The following ZNF831 variants were observed in gnomAD, a reference collection of about 807,000 sequenced individuals.
The protein encoded by ZNF831 is zinc finger protein 831.
A neutral mutation model predicts 95.8 loss-of-function variants in ZNF831; 59 were observed. That is an observed-to-expected ratio of 0.62 (90% CI 0.50 to 0.77). The LOEUF is 0.77. Among genes scored for constraint, ZNF831 ranks in the 30% least tolerant of loss-of-function variants. The probability of loss-of-function intolerance (pLI) is 0.00; values close to 1 mark genes in which losing one functional copy is unlikely to be tolerated. For synonymous variants in ZNF831, 961 were observed against 925.5 expected, an observed-to-expected ratio of 1.04 and a Z score of -0.70; for missense variants, 2,205 against 2,164.0, an observed-to-expected ratio of 1.02 and a Z score of -0.38.
chr20:59,133,941 G>A (rs1979425427), intron 1 of ZNF831, among the ~76,000 whole-genome samples: 1 of 152,254 alleles, frequency 6.6e-6, no homozygotes, highest in Non-Finnish European at 1.5e-5. Flanking sequence ...GGGATAAGAC[G>A]ATGATAAGCA....
intron 1 of ZNF831, among the ~76,000 whole-genome samples, chr20:59,189,306 A>C (rs951241372): frequency 7.9e-5 from 12 of 152,154 alleles, no homozygotes; most frequent in African/African-American, 2.9e-4. Context: ...GACTGTAATC[A>C]ATTTTAAGTT....
At chr20:59,231,762 AG>A (rs1477733296) in intron 4 of ZNF831, among the ~76,000 whole-genome samples, 2 of 152,202 alleles carry the variant, frequency 1.3e-5, no homozygotes, top group African/African-American at 4.8e-5. Context: ...AGAAGGAGCA[AG>A]GTCTCCCCTT....
At chr20:59,136,655 T>G (rs1979520833) in intron 1 of ZNF831, among the ~76,000 whole-genome samples, 1 of 152,230 alleles carries the variant, frequency 6.6e-6, no homozygotes, top group African/African-American at 2.4e-5. Context: ...CATCCTGATA[T>G]TTGGCTCATT....
At chr20:59,178,460 G>A (rs1022454574) in intron 1 of ZNF831, among the ~76,000 whole-genome samples, 3 of 152,064 alleles carry the variant, frequency 2.0e-5, no homozygotes, top group Non-Finnish European at 4.4e-5. Flanking sequence ...CTTATCTAAG[G>A]CTATAATTCA....
At chr20:59,179,335 G>A (rs78872658) in intron 1 of ZNF831, among the ~76,000 whole-genome samples, 12,643 of 152,062 alleles carry the variant, frequency 0.083, 716 homozygotes, top group Non-Finnish European at 0.12. Flanking sequence ...TTCCTCCTCC[G>A]CACCCATCCG....
At chr20:59,206,864 C>T in intron 3 of ZNF831, 41 bp from the exon 4 acceptor site, 1 of 1,600,008 alleles carries the variant, frequency 6.2e-7, no homozygotes, top group Non-Finnish European at 8.5e-7. Context: ...GGCATGTGCT[C>T]TCCAGGCTGG....
intron 2 of ZNF831, among the ~76,000 whole-genome samples, chr20:59,153,920 T>C (rs2146461029): frequency 6.6e-6 from 1 of 152,246 alleles, no homozygotes; most frequent in Admixed American, 6.5e-5. Flanking sequence ...TATAAACCAG[T>C]CATTACAGGG....
intron 1 of ZNF831, among the ~76,000 whole-genome samples, chr20:59,180,321 C>T (rs1229257326): frequency 1.3e-5 from 2 of 152,152 alleles, no homozygotes; most frequent in East Asian, 1.9e-4. Flanking sequence ...CTCCCAGGCT[C>T]AAGCACAGAT....
chr20:59,157,932 G>A (rs548979918), intron 2 of ZNF831, among the ~76,000 whole-genome samples: 2 of 152,162 alleles, frequency 1.3e-5, no homozygotes, highest in African/African-American at 2.4e-5. Context: ...AGCTTTTCTT[G>A]TTGTAGCTGA....
At chr20:59,197,336 C>A (rs1984196598) in intron 3 of ZNF831, among the ~76,000 whole-genome samples, 1 of 152,096 alleles carries the variant, frequency 6.6e-6, no homozygotes, top group Non-Finnish European at 1.5e-5. Flanking sequence ...CAAGGTACTG[C>A]CCATGATGTG....
At chr20:59,127,309 C>G (rs1979204241) in intron 1 of ZNF831, among the ~76,000 whole-genome samples, 1 of 152,196 alleles carries the variant, frequency 6.6e-6, no homozygotes, top group African/African-American at 2.4e-5. Flanking sequence ...GCTCCCCGGC[C>G]CTGTCATCTC....
At chr20:59,242,941 A>G (rs1051001024) in intron 4 of ZNF831, among the ~76,000 whole-genome samples, 4 of 152,056 alleles carry the variant, frequency 2.6e-5, no homozygotes, top group Admixed American at 1.3e-4. Context: ...TTCATAACCC[A>G]TCTCCTCTGT....
rs1310274717 is a variant in ZNF831, at chr20:59,241,423, T to C, written c.4028-11555T>C. ...TGCAGTTCCCGAAGTACTCTCTCTT[T>C]TGAGGTGGAAATCTTGAGAAAAGAA... On this transcript the variant is annotated intron_variant, in intron 4 of 5. Transcript: ENST00000371030. Among the ~76,000 whole-genome samples, 6 of 152,252 alleles carry C rather than the reference T, an allele frequency of 3.9e-5. No individual in the cohort carries two copies. The South Asian group carries it at 1.0e-3, about 26-fold the overall frequency.
chr20:59,136,045 T>C (rs915307922), intron 1 of ZNF831, among the ~76,000 whole-genome samples: 2 of 152,202 alleles, frequency 1.3e-5, no homozygotes, highest in Non-Finnish European at 2.9e-5. Context: ...TTATTCAGCT[T>C]GTCATCAGAA....
At chr20:59,202,264 TTA>T (rs548582782) in intron 3 of ZNF831, among the ~76,000 whole-genome samples, 113 of 152,022 alleles carry the variant, frequency 7.4e-4, no homozygotes, top group African/African-American at 2.7e-3. Context: ...TTTTATTTAA[TTA>T]TTTTTTTAAT....
rs188093907 is a variant in ZNF831 at position 59,246,497 on chromosome 20, T to G, written c.4028-6481T>G. Among the ~76,000 whole-genome samples the G allele has an allele frequency of 1.9e-4, 29 of 152,334 alleles. No individual in the cohort carries two copies. The East Asian group carries it at 5.6e-3, about 29-fold the overall frequency. On this transcript the variant is annotated intron_variant, in intron 4 of 5. Coordinates refer to ENST00000371030, the MANE Select transcript of ZNF831 (RefSeq NM_178457.3). ...ATATCAGCCAGTTTCTGTTTTGGCT[T>G]TCAATCTTTCAAATGGCATTTTCTT...
At chr20:59,224,937 T>C (rs563310292) in intron 4 of ZNF831, among the ~76,000 whole-genome samples, 1 of 151,492 alleles carries the variant, frequency 6.6e-6, no homozygotes, top group Admixed American at 6.6e-5. Context: ...CCTGGATTTG[T>C]AGGGTTTTTA....
chr20:59,190,938 G>A (rs2146540851), intron 1 of ZNF831, 46 bp from the exon 2 acceptor site: 2 of 1,444,404 alleles, frequency 1.4e-6, no homozygotes, highest in South Asian at 1.6e-5. Context: ...TACTGCATGA[G>A]GAGAGAGGAG....
At position 59,257,234 on chromosome 20, in the gene ZNF831, A is replaced by C. The variant is rs780857893; in HGVS notation, c.*2491A>C. 1.3e-5 allele frequency: 2 copies of C among 152,200 alleles called. No individual in the cohort carries two copies. The highest frequency in any genetic ancestry group is 2.9e-5 in the Non-Finnish European group (2 of 68,038). 9.4% of individuals were successfully genotyped at this position (152,200 alleles called of 1,614,324 possible). A position where few individuals can be genotyped will look rare whatever the true frequency, so the allele number is the denominator to read the frequency against. Reference sequence around the variant, plus strand: ...CAAAGGTAAAGCAGGTAGCGAAGCCACCTTGCTTCCCTGGTCTTTGCCTAG... The same window carrying C: ...CAAAGGTAAAGCAGGTAGCGAAGCCCCCTTGCTTCCCTGGTCTTTGCCTAG... On this transcript the variant is annotated 3_prime_UTR_variant, in exon 6 of 6. Transcript: ENST00000371030.
Sources: allele counts gnomAD v4.1 joint callset (sites outside exome capture counted in the v4.1 genomes callset), GRCh38; gene constraint gnomAD v4.1.1; transcripts MANE v1.5; gene names NCBI Gene and HGNC (gene_info 2026-07-23, HGNC 2026-07-21).